The following PRDM15 variants were observed in gnomAD, a reference collection of about 807,000 sequenced individuals.
The protein encoded by PRDM15 is PR domain zinc finger protein 15.
Under a neutral mutation model 128.6 loss-of-function variants are expected in PRDM15, and 64 were observed. The ratio of observed to expected loss-of-function variants is 0.50; its 90% CI spans 0.41 to 0.61. The LOEUF (loss-of-function observed/expected upper bound fraction) is 0.61, where lower values mean the gene tolerates loss of function less well. PRDM15 is among the 20% of genes least tolerant of loss of function. The pLI, the probability that PRDM15 is intolerant of heterozygous loss-of-function variation, is 0.00. For missense variants in PRDM15, 1,242 were observed against 1,569.1 expected, an observed-to-expected ratio of 0.79 and a Z score of 3.52; for synonymous variants, 615 against 621.8, an observed-to-expected ratio of 0.99 and a Z score of 0.16.
chr21:41,854,705 G>A lies in PRDM15; in HGVS notation c.399C>T (p.Ala133=), dbSNP rs551147805. The A allele has an allele frequency of 6.8e-6, 11 of 1,613,510 alleles. No individual in the cohort carries two copies. The East Asian group carries it at 1.8e-4, about 26-fold the overall frequency. ...AGTACACGTCGCTGCCGTGCTGGTA[G>A]GCCGTCAGGTTCTGGTGCTCGGCCT... The part of the protein sequence containing the change: ...AAEAEHQNLT[A]YQHGSDVYFT... Residue 133 remains alanine, a synonymous_variant, in exon 5 of 24, where the codon GCC becomes GCT. Coordinates refer to ENST00000398548, the MANE Select transcript of PRDM15 (RefSeq NM_001040424.3). The surrounding 1 kb of genome is among the most constrained non-coding windows in gnomAD (Gnocchi z 4.6).
chr21:41,844,179 C>T (rs370754992), intron 6 of PRDM15, among the ~76,000 whole-genome samples: 1 of 152,134 alleles, frequency 6.6e-6, no homozygotes, highest in East Asian at 1.9e-4. Context: ...ACACCGTTTG[C>T]CTCATTAGAA....
intron 18 of PRDM15, among the ~76,000 whole-genome samples, chr21:41,818,505 G>A (rs954719175): frequency 3.2e-4 from 49 of 152,316 alleles, no homozygotes; most frequent in Admixed American, 9.8e-4. Flanking sequence ...TACCCTGGAG[G>A]AGGGGCAAGA....
In PRDM15 at chr21:41,819,953, G is replaced by A. The variant is rs542451509; in HGVS notation, c.2140+142C>T. The A allele has an allele frequency of 2.9e-3, 2,358 of 814,854 alleles. 18 individuals carry two copies. The highest frequency in any genetic ancestry group is 2.0e-3 in the Non-Finnish European group (1,022 of 507,058). The allele number at this position is 814,854 out of a possible 1,614,324, so 50.5% of individuals were successfully genotyped here. A position where few individuals can be genotyped will look rare whatever the true frequency, so the allele number is the denominator to read the frequency against. On this transcript the variant is annotated intron_variant, in intron 17 of 23. Transcript: ENST00000398548. Reference sequence around the variant, plus strand: ...TGAGTGGCAGGGCTGATAAGGACGGGAAAAGCTGGAGAAACAGAGGAAGGC... The same window carrying A: ...TGAGTGGCAGGGCTGATAAGGACGGAAAAAGCTGGAGAAACAGAGGAAGGC...
intron 1 of PRDM15, among the ~76,000 whole-genome samples, chr21:41,873,038 A>G (rs1279814808): frequency 6.6e-6 from 1 of 152,122 alleles, no homozygotes; most frequent in African/African-American, 2.4e-5. Context: ...ACAGTTTTTC[A>G]CCGGGTCAGA....
intron 12 of PRDM15, among the ~76,000 whole-genome samples, chr21:41,827,616 C>A (rs1042353887): frequency 6.6e-6 from 1 of 152,098 alleles, no homozygotes; most frequent in East Asian, 1.9e-4. Flanking sequence ...TGCTGGGATT[C>A]CAGGCGTGAG....
chr21:41,871,275 G>A (rs966298566), intron 1 of PRDM15, among the ~76,000 whole-genome samples: 1 of 152,018 alleles, frequency 6.6e-6, no homozygotes, highest in South Asian at 2.1e-4. Context: ...TTCCAGCCTC[G>A]TCCAGGGGTT....
chr21:41,827,560 C>T (rs1006986196), intron 12 of PRDM15, among the ~76,000 whole-genome samples: 2 of 151,958 alleles, frequency 1.3e-5, no homozygotes, highest in African/African-American at 4.8e-5. Flanking sequence ...TGGGCTGGTC[C>T]CGAACTGCTG....
In PRDM15 at chr21:41,810,121, CGGGGCACGGAG is replaced by C. The variant is rs1568893773; in HGVS notation, c.2652+22_2652+32del. Reference sequence around the variant, plus strand: ...GGGTGTCCGGTGCGCGGCCCGCTGGCGGGGCACGGAGGGGGCACAGCCACCAGCTCACCTCG... The same window carrying C: ...GGGTGTCCGGTGCGCGGCCCGCTGGCGGGGCACAGCCACCAGCTCACCTCG... On this transcript the variant is annotated intron_variant, in intron 21 of 23. Transcript: ENST00000398548. This position sits in a 1 kb window ranked among gnomAD's most constrained non-coding sequence, Gnocchi z 6.4. 1.3e-6 allele frequency: 2 copies of C among 1,583,300 alleles called. No homozygotes were observed.
chr21:41,872,319 A>G (rs960967059), intron 1 of PRDM15, among the ~76,000 whole-genome samples: 1 of 152,176 alleles, frequency 6.6e-6, no homozygotes, highest in Non-Finnish European at 1.5e-5. Context: ...TTCTTATGGC[A>G]GATGAAGGGC....
Position 41,801,146 on chromosome 21 carries a change from A to T in PRDM15, c.*94T>A. On this transcript the variant is annotated 3_prime_UTR_variant, in exon 24 of 24. Coordinates refer to ENST00000398548, the MANE Select transcript of PRDM15 (RefSeq NM_001040424.3). ...CTAAGTCAACCTTACATTGCAATGT[A>T]TGACTTTTTGTTTGTTTGGTATCCA... The T allele has an allele frequency of 6.8e-7, 1 of 1,473,588 alleles. No individual in the cohort carries two copies. Among genetic ancestry groups the T allele is most frequent in the South Asian group, 1.4e-5 (1 of 72,430 alleles). The allele number at this position is 1,473,588 out of a possible 1,614,324, so 91.3% of individuals were successfully genotyped here. A position where few individuals can be genotyped will look rare whatever the true frequency, so the allele number is the denominator to read the frequency against.
intron 7 of PRDM15, among the ~76,000 whole-genome samples, chr21:41,838,445 G>A (rs915021661): frequency 2.6e-5 from 4 of 152,138 alleles, no homozygotes; most frequent in Admixed American, 6.5e-5. Flanking sequence ...CTAATTAAAT[G>A]TGCCAACATT....
At chr21:41,806,000 C>CCAT (rs2061559748) in intron 21 of PRDM15, among the ~76,000 whole-genome samples, 1 of 76,184 alleles carries the variant, frequency 1.3e-5, no homozygotes, top group Admixed American at 1.3e-4. Flanking sequence ...ACCACCACCA[C>CCAT]CACCATCACC....
Position 41,802,815 on chromosome 21 carries a change from G to A in PRDM15, c.2840C>T (p.Pro947Leu), listed in dbSNP as rs772692177. Residue 947 changes from proline to leucine, a missense_variant, in exon 23 of 24, where the codon CCG (proline) becomes CTG (leucine). By Grantham distance (98) the Pro-to-Leu change is moderately conservative. Coordinates refer to ENST00000398548, the MANE Select transcript of PRDM15 (RefSeq NM_001040424.3). ...KQKPEEEAGAPVPEDATFSEY... is the reference protein window; with the variant it reads ...KQKPEEEAGALVPEDATFSEY... ...GCTGAAGGTGGCGTCCTCGGGCACCGGAGCACCCGCCTCCTCTTCTGGCTT... is the reference window on the plus strand; with the variant it reads ...GCTGAAGGTGGCGTCCTCGGGCACCAGAGCACCCGCCTCCTCTTCTGGCTT... 3.0e-5 allele frequency: 48 copies of A among 1,613,998 alleles called. No individual in the cohort carries two copies. The highest frequency in any genetic ancestry group is 8.0e-5 in the African/African-American group (6 of 74,942).
chr21:41,800,938 C>G lies in PRDM15; in HGVS notation c.*302G>C, dbSNP rs1601711747. 2.9e-6 allele frequency: 1 copy of G among 339,112 alleles called. No homozygotes were observed. Among genetic ancestry groups the G allele is most frequent in the South Asian group, 1.3e-4 (1 of 7,634 alleles). 21.0% of individuals were successfully genotyped at this position (339,112 alleles called of 1,614,324 possible). ...AGCTTCACTTTCCCGAACCCTGTGT[C>G]GGGCGAACACTGGTTCTGTAAGGGG... On this transcript the variant is annotated 3_prime_UTR_variant, in exon 24 of 24. Coordinates refer to ENST00000398548, the MANE Select transcript of PRDM15 (RefSeq NM_001040424.3).
chr21:41,824,595 G>A (rs1033961973), intron 13 of PRDM15, among the ~76,000 whole-genome samples: 1 of 152,202 alleles, frequency 6.6e-6, no homozygotes, highest in African/African-American at 2.4e-5. Flanking sequence ...ACCCCCCAAG[G>A]GGCAGAGGTC....
intron 6 of PRDM15, among the ~76,000 whole-genome samples, 194 bp from the exon 7 acceptor site, chr21:41,840,047 T>A (rs1196438264): frequency 1.3e-5 from 2 of 152,128 alleles, no homozygotes; most frequent in African/African-American, 4.8e-5. Flanking sequence ...GTAAATTAAG[T>A]GGTAAAAGCA....
At chr21:41,843,074 C>A (rs945966472) in intron 6 of PRDM15, among the ~76,000 whole-genome samples, 7 of 152,144 alleles carry the variant, frequency 4.6e-5, no homozygotes, top group Non-Finnish European at 1.0e-4. Context: ...TGTGAGCCAC[C>A]GTGTCTGGCC....
At chr21:41,823,637 T>G (rs974353529) in intron 13 of PRDM15, among the ~76,000 whole-genome samples, 188 bp from the exon 14 acceptor site, 2 of 152,232 alleles carry the variant, frequency 1.3e-5, no homozygotes, top group Non-Finnish European at 2.9e-5. Context: ...TAAGGGTTAC[T>G]TGCTGAATTG....
chr21:41,858,134 A>C (rs2063695326), intron 3 of PRDM15, among the ~76,000 whole-genome samples: 1 of 152,240 alleles, frequency 6.6e-6, no homozygotes, highest in South Asian at 2.1e-4. Flanking sequence ...GGAAGTCCCA[A>C]ACAGAAAGGG....
Sources: allele counts gnomAD v4.1 joint callset (sites outside exome capture counted in the v4.1 genomes callset), GRCh38; gene constraint gnomAD v4.1.1; non-coding constraint Gnocchi (gnomAD v3.1); transcripts MANE v1.5; gene names NCBI Gene and HGNC (gene_info 2026-07-23, HGNC 2026-07-21).